The following ZNF185 variants were observed in gnomAD, a reference collection of about 807,000 sequenced individuals.
ZNF185 encodes zinc finger protein 185 with LIM domain.
Under a neutral mutation model 58.6 loss-of-function variants are expected in ZNF185, and 56 were observed. The ratio of observed to expected loss-of-function variants is 0.95; its 90% CI spans 0.77 to 1.19. ZNF185 has a LOEUF of 1.19. Ranked by LOEUF, ZNF185 falls within the 50% of genes most tolerant of loss-of-function variation. The pLI is 0.00. For synonymous variants in ZNF185, 230 were observed against 215.9 expected (o/e 1.07, Z -0.57); for missense variants, 627 against 573.5 (o/e 1.09, Z -0.95).
intron 16 of ZNF185, among the ~76,000 whole-genome samples, chrX:152,946,267 G>C (rs1260915537): frequency 8.9e-6 from 1 of 112,223 alleles, no homozygotes; most frequent in Non-Finnish European, 1.9e-5. Flanking sequence ...CATCTGCTGT[G>C]GGGAGCAGGT....
rs1379165154 is a variant in ZNF185, at chrX:152,970,629, C to G, written c.*88C>G. On this transcript the variant is annotated intron_variant, in intron 22 of 22. Transcript: ENST00000449285. ...CTGGTCTCTCCTGGAGTCTCAGCCC[C>G]AGACACAGCTATCTTTCTTGGCTCT... The G allele has an allele frequency of 3.8e-6, 3 of 795,585 alleles. No individual in the cohort carries two copies. In the African/African-American group the frequency reaches 6.2e-5, roughly 17 times the overall value. 65.6% of individuals were successfully genotyped at this position (795,585 alleles called of 1,213,427 possible).
At chrX:152,935,457 C>T (rs868927153) in intron 14 of ZNF185, among the ~76,000 whole-genome samples, 6 of 108,778 alleles carry the variant, frequency 5.5e-5, no homozygotes, top group East Asian at 5.9e-4. Context: ...AGGATGGTCT[C>T]GATCTCCTGA....
At chrX:152,958,029 C>G (rs181978844) in intron 16 of ZNF185, among the ~76,000 whole-genome samples, 1 of 111,923 alleles carries the variant, frequency 8.9e-6, no homozygotes, top group East Asian at 2.8e-4. Context: ...GGGAGCCAAG[C>G]CACAACACAA....
intron 20 of ZNF185, 147 bp from the exon 23 acceptor site, chrX:152,969,235 G>A (rs2050429233): frequency 2.1e-6 from 1 of 475,091 alleles, no homozygotes; most frequent in East Asian, 3.7e-5. Flanking sequence ...GCCCAGGGCT[G>A]TGCTGCACAC....
In ZNF185 at chrX:152,919,013, A is replaced by C. The variant is rs1556867971; in HGVS notation, c.462A>C (p.Thr154=). The C allele has an allele frequency of 2.5e-6, 3 of 1,210,545 alleles. No individual in the cohort carries two copies. In the South Asian group the frequency reaches 5.3e-5, roughly 21 times the overall value. The stretch of plus-strand genomic sequence containing the variant: ...CCTACAATATCAGGCGCAGCTCTAC[A>C]TCAGGGGACACCGAGGAGGAGGAGG... The change falls in exon 7 of 23, where the codon ACA becomes ACC. Residue 154 remains threonine, a synonymous_variant. Transcript: ENST00000449285.
At chrX:152,918,882 G>T in intron 6 of ZNF185, 101 bp from the exon 8 acceptor site, 1 of 588,506 alleles carries the variant, frequency 1.7e-6, no homozygotes. Context: ...AGGCCCAAAG[G>T]CAGAGATATT....
intron 22 of ZNF185, among the ~76,000 whole-genome samples, chrX:152,970,783 C>T (rs900404860): frequency 9.0e-6 from 1 of 111,317 alleles, no homozygotes; most frequent in Non-Finnish European, 1.9e-5. Flanking sequence ...AGCACCTGAG[C>T]CGAGCCCTCT....
intron 15 of ZNF185, 57 bp downstream of exon 17, chrX:152,938,220 G>A: frequency 9.1e-7 from 1 of 1,099,567 alleles, no homozygotes; most frequent in Non-Finnish European, 1.2e-6. Flanking sequence ...AGCTTGGGCT[G>A]TGTGTCCATT....
chrX:152,914,085 A>C (rs1204371465), upstream of ZNF185, among the ~76,000 whole-genome samples: 3 of 110,880 alleles, frequency 2.7e-5, no homozygotes, highest in East Asian at 8.6e-4. Flanking sequence ...TGAGTCCACC[A>C]GTGCCAGCTG....
intron 5 of ZNF185, 71 bp downstream of exon 6, chrX:152,917,433 G>C: frequency 1.8e-6 from 2 of 1,125,207 alleles, no homozygotes; most frequent in Non-Finnish European, 2.4e-6. Flanking sequence ...TCCTGGCAGA[G>C]ACAGTGCTCT....
At chrX:152,898,108 A>ACCGCGCCCCGCACC in the ZNF185 span, among the ~76,000 whole-genome samples, 2 of 104,098 alleles carry the variant, frequency 1.9e-5, no homozygotes, top group South Asian at 8.1e-4. Flanking sequence ...CCCGCTGTGC[A>ACCGCGCCCCGCACC]CCGCGCCCCG....
At chrX:152,938,308 C>G (rs782591861) in intron 15 of ZNF185, 145 bp downstream of exon 17, 18 of 509,047 alleles carry the variant, frequency 3.5e-5, no homozygotes, top group Middle Eastern at 5.7e-4. Flanking sequence ...AAGCCCCAAC[C>G]AGAACCCTCT....
chrX:152,958,874 G>A (rs2049141557), intron 16 of ZNF185, among the ~76,000 whole-genome samples: 1 of 112,439 alleles, frequency 8.9e-6, no homozygotes, highest in Non-Finnish European at 1.9e-5. Context: ...GCACGCACGC[G>A]CGCTGAGATC....
At chrX:152,927,838 G>T (rs1169667882) in intron 11 of ZNF185, among the ~76,000 whole-genome samples, 1 of 112,477 alleles carries the variant, frequency 8.9e-6, no homozygotes, top group East Asian at 2.8e-4. Flanking sequence ...AGGCAGGAGT[G>T]ACTGCAATGT....
chrX:152,898,473 C>T, the ZNF185 span, among the ~76,000 whole-genome samples: 1 of 112,634 alleles, frequency 8.9e-6, no homozygotes, highest in Non-Finnish European at 1.9e-5. Context: ...GCAAGTGTCC[C>T]CCTTGCCAGC....
chrX:152,965,642 A>G (rs1556914162), intron 19 of ZNF185, 115 bp downstream of exon 21: 29 of 599,392 alleles, frequency 4.8e-5, no homozygotes, highest in South Asian at 3.0e-4. Context: ...CTTCGGGGTA[A>G]TTGTCGAGTG....
chrX:152,945,607 A>ATTG lies in ZNF185; in HGVS notation c.1409+144_1409+145insTGT, dbSNP rs201648212. On this transcript the variant is annotated intron_variant, in intron 16 of 22. Coordinates refer to ENST00000449285, the Ensembl canonical transcript of ZNF185. ...CAGGCTCCTGTTCTGTGAGTGGGTCATGGTGATTCCCTGGTCCTAGAGCAG... is the reference window on the plus strand; with the variant it reads ...CAGGCTCCTGTTCTGTGAGTGGGTCATTGTGGTGATTCCCTGGTCCTAGAGCAG... 87 of 666,717 alleles carry ATTG rather than the reference A, an allele frequency of 1.3e-4. No homozygotes were observed. The African/African-American group carries it at 1.3e-3, about 10-fold the overall frequency. 54.9% of individuals were successfully genotyped at this position (666,717 alleles called of 1,213,427 possible).
chrX:152,964,882 C>T (rs782528095), intron 18 of ZNF185, among the ~76,000 whole-genome samples: 6 of 111,544 alleles, frequency 5.4e-5, no homozygotes, highest in Middle Eastern at 9.3e-3. Context: ...CAGCATGATG[C>T]AGACCTTGTT....
chrX:152,901,950 G>A, the ZNF185 span, among the ~76,000 whole-genome samples: 4 of 112,124 alleles, frequency 3.6e-5, no homozygotes, highest in Non-Finnish European at 7.5e-5. Context: ...GGTCCCAGAG[G>A]CCACTTTCAG....
Sources: gnomAD v4.1 joint callset for allele counts (sites outside exome capture counted in the v4.1 genomes callset) on GRCh38, gnomAD v4.1.1 for gene constraint, MANE v1.5 for transcripts, NCBI Gene and HGNC (gene_info 2026-07-23, HGNC 2026-07-21) for gene names.